AVPI1: variants seen among roughly 807,000 people sequenced by gnomAD.
AVPI1 encodes arginine vasopressin-induced protein 1.
Under a neutral mutation model 11.9 loss-of-function variants are expected in AVPI1, and 9 were observed. The observed-to-expected ratio is 0.76, with a 90% confidence interval of 0.46 to 1.32. The LOEUF (loss-of-function observed/expected upper bound fraction) is 1.32. AVPI1 is among the 40% of genes most tolerant of loss of function. The probability of loss-of-function intolerance (pLI) is 0.00; values close to 1 mark genes in which losing one functional copy is unlikely to be tolerated. For synonymous variants in AVPI1, 68 were observed against 78.1 expected, an observed-to-expected ratio of 0.87 and a Z score of 0.68; for missense variants, 207 against 195.8, an observed-to-expected ratio of 1.06 and a Z score of -0.34.
chr10:97,678,948 T>C, intron 2 of AVPI1, among the ~76,000 whole-genome samples: 1 of 40,010 alleles, frequency 2.5e-5, no homozygotes, highest in Non-Finnish European at 5.3e-5. Context: ...TGTGTGTGTG[T>C]GTGTGTGTGT....
intron 2 of AVPI1, 126 bp from the exon 3 acceptor site, chr10:97,678,151 C>G (rs1421472520): frequency 6.7e-6 from 7 of 1,043,172 alleles, no homozygotes; most frequent in Non-Finnish European, 9.7e-6. Flanking sequence ...GGGCTCTGCT[C>G]TGGTCTTTCC....
In AVPI1 at chr10:97,679,858, G is replaced by A. The variant is rs1453768642; in HGVS notation, c.48C>T (p.Ala16=). 1.2e-6 allele frequency: 2 copies of A among 1,600,650 alleles called. No individual in the cohort carries two copies. Among genetic ancestry groups the A allele is most frequent in the Admixed American group, 3.4e-5 (2 of 58,106 alleles). The part of the protein sequence containing the change: ...SVVSEPPPWQ[A]PIEARGRKQA... Reference sequence around the variant, plus strand: ...GCTTGCGGCCCCGGGCCTCAATCGGGGCCTGCCAAGGGGGTGGCTCACTGA... The same window carrying A: ...GCTTGCGGCCCCGGGCCTCAATCGGAGCCTGCCAAGGGGGTGGCTCACTGA... Residue 16 remains alanine (A), a synonymous_variant, in exon 2 of 3, where the codon GCC becomes GCT. Transcript: ENST00000370626.
chr10:97,678,944 T>G (rs2041684822), intron 2 of AVPI1, among the ~76,000 whole-genome samples: 2 of 50,332 alleles, frequency 4.0e-5, no homozygotes, highest in Admixed American at 5.0e-4. Context: ...TGTGTGTGTG[T>G]GTGTGTGTGT....
chr10:97,682,003 A>T (rs56302319), intron 1 of AVPI1, among the ~76,000 whole-genome samples: 6 of 152,118 alleles, frequency 3.9e-5, no homozygotes, highest in African/African-American at 1.4e-4. Context: ...ATTAGGTATT[A>T]TAAGTACCCT....
At chr10:97,681,582 T>TA (rs1164884046) in intron 1 of AVPI1, among the ~76,000 whole-genome samples, 3 of 146,328 alleles carry the variant, frequency 2.1e-5, no homozygotes, top group African/African-American at 7.6e-5. Flanking sequence ...AACTCCGTCT[T>TA]AAAAAAAAGA....
chr10:97,684,174 C>G (rs2041717816), intron 1 of AVPI1, among the ~76,000 whole-genome samples: 2 of 152,128 alleles, frequency 1.3e-5, no homozygotes, highest in Non-Finnish European at 2.9e-5. Context: ...CCTCAGCTGG[C>G]AATGACCAAG....
chr10:97,677,796 GTC>G lies in AVPI1; in HGVS notation c.*71_*72del. On this transcript the variant is annotated 3_prime_UTR_variant, in exon 3 of 3. Coordinates refer to ENST00000370626, the MANE Select transcript of AVPI1 (RefSeq NM_021732.3). The stretch of plus-strand genomic sequence containing the variant: ...TACCCCTTTGGGCTGCTTGCCTAAA[GTC>G]TCTCTTCCTTCACCTCCCCAGGCCT... 5 of 1,575,902 alleles carry G rather than the reference GTC, an allele frequency of 3.2e-6. No individual in the cohort carries two copies. The highest frequency in any genetic ancestry group is 4.3e-6 in the Non-Finnish European group (5 of 1,157,298).
chr10:97,678,094 C>A, intron 2 of AVPI1, 69 bp from the exon 3 acceptor site: 2 of 1,511,796 alleles, frequency 1.3e-6, no homozygotes, highest in Non-Finnish European at 1.8e-6. Flanking sequence ...CAAGAGATTT[C>A]GTCATGGTGG....
chr10:97,678,086 A>G, intron 2 of AVPI1, 61 bp from the exon 3 acceptor site: 2 of 1,547,740 alleles, frequency 1.3e-6, no homozygotes, highest in Non-Finnish European at 1.8e-6. Context: ...GGGGACTTCA[A>G]GAGATTTCGT....
chr10:97,684,252 A>T (rs1250343977), intron 1 of AVPI1, among the ~76,000 whole-genome samples: 6 of 152,084 alleles, frequency 3.9e-5, no homozygotes, highest in African/African-American at 1.2e-4. Context: ...TCACCTCCCC[A>T]GGAAAAGAAG....
At position 97,678,878 on chromosome 10, in the gene AVPI1, A is replaced by AGG. The variant is rs1564779758; in HGVS notation, c.287+739_287+740dup. On this transcript the variant is annotated intron_variant, in intron 2 of 2. Coordinates refer to ENST00000370626, the MANE Select transcript of AVPI1 (RefSeq NM_021732.3). ...AATTTCTCTTTTTTTTGGCGGGGGG[A>AGG]GGGTGTGTGTGTGTGTGTGTGTGTG... Among the ~76,000 whole-genome samples, 134 of 72,440 alleles carry AGG rather than the reference A, an allele frequency of 1.8e-3. 3 individuals carry two copies. The highest frequency in any genetic ancestry group is 6.3e-3 in the Middle Eastern group (1 of 158). The allele number at this position is 72,440 out of a possible 152,430, so 47.5% of individuals were successfully genotyped here. A position where few individuals can be genotyped will look rare whatever the true frequency, so the allele number is the denominator to read the frequency against.
intron 2 of AVPI1, 115 bp downstream of exon 2, chr10:97,679,504 T>G: frequency 7.7e-7 from 1 of 1,297,488 alleles, no homozygotes; most frequent in Non-Finnish European, 1.0e-6. Flanking sequence ...ACCACCCCAA[T>G]GGTGGGCAGG....
At chr10:97,680,734 T>C (rs10882985) in intron 1 of AVPI1, among the ~76,000 whole-genome samples, 72,134 of 152,074 alleles carry the variant, frequency 0.47, 18,250 homozygotes, top group African/African-American at 0.66. Flanking sequence ...CTCCTATCTT[T>C]AAGACCCTGG....
intron 2 of AVPI1, among the ~76,000 whole-genome samples, chr10:97,678,965 G>GACAGGA (rs2041686209): frequency 1.5e-4 from 12 of 78,352 alleles, no homozygotes; most frequent in South Asian, 1.5e-3. Context: ...GTGTGTGTGT[G>GACAGGA]TGTGTGTGTG....
intron 1 of AVPI1, 149 bp from the exon 2 acceptor site, chr10:97,680,064 T>C (rs1377696214): frequency 6.7e-6 from 5 of 745,468 alleles, no homozygotes; most frequent in South Asian, 3.8e-5. Context: ...TAAGCACTTA[T>C]GTGTCAGACC....
intron 1 of AVPI1, among the ~76,000 whole-genome samples, chr10:97,686,218 T>C (rs796729660): frequency 4.4e-4 from 67 of 152,342 alleles, no homozygotes; most frequent in African/African-American, 1.6e-3. Flanking sequence ...TAGTACCTGG[T>C]ATACCACAGA....
intron 1 of AVPI1, among the ~76,000 whole-genome samples, chr10:97,682,847 T>C (rs984301384): frequency 2.0e-5 from 3 of 152,240 alleles, no homozygotes; most frequent in African/African-American, 7.2e-5. Flanking sequence ...GGTGCTATTA[T>C]GAAAATCCAG....
At chr10:97,680,432 T>C (rs1026398485) in intron 1 of AVPI1, among the ~76,000 whole-genome samples, 7 of 152,332 alleles carry the variant, frequency 4.6e-5, no homozygotes, top group African/African-American at 1.7e-4. Flanking sequence ...AAGTCATCCA[T>C]GGTTCTGCAA....
intron 1 of AVPI1, among the ~76,000 whole-genome samples, chr10:97,685,962 T>A (rs2041726484): frequency 6.6e-6 from 1 of 152,078 alleles, no homozygotes; most frequent in African/African-American, 2.4e-5. Flanking sequence ...AAGTCTCAGT[T>A]TCCCCTGCCA....
Sources: allele counts gnomAD v4.1 joint callset (sites outside exome capture counted in the v4.1 genomes callset), GRCh38; gene constraint gnomAD v4.1.1; transcripts MANE v1.5; gene names NCBI Gene and HGNC (gene_info 2026-07-23, HGNC 2026-07-21).